The following FAM193A variants were observed in gnomAD, a reference collection of about 807,000 sequenced individuals.
FAM193A encodes the protein protein FAM193A.
FAM193A carries 22 observed loss-of-function variants against 126.5 expected under a neutral mutation model. The observed-to-expected ratio is 0.17, with a 90% CI of 0.12 to 0.25. The LOEUF is 0.25. Ranked by LOEUF, FAM193A falls within the 10% of genes least tolerant of loss-of-function variation. The probability of loss-of-function intolerance (pLI) is 1.00; values close to 1 mark genes in which losing one functional copy is unlikely to be tolerated. For missense variants in FAM193A, 1,675 were observed against 1,672.8 expected, an observed-to-expected ratio of 1.00 and a Z score of -0.02; for synonymous variants, 761 against 646.8, an observed-to-expected ratio of 1.18 and a Z score of -2.68.
intron 5 of FAM193A, among the ~76,000 whole-genome samples, chr4:2,633,998 T>C (rs1167758235): frequency 6.6e-6 from 1 of 152,180 alleles, no homozygotes; most frequent in Admixed American, 6.5e-5. Flanking sequence ...GAGAAATACA[T>C]GGGCTTGAAA....
intron 2 of FAM193A, among the ~76,000 whole-genome samples, chr4:2,611,501 C>T (rs891606336): frequency 2.5e-4 from 38 of 152,036 alleles, no homozygotes; most frequent in Non-Finnish European, 5.3e-4. Flanking sequence ...CTTGAACTCC[C>T]GACCTCAGGT....
rs1714820369 is a variant in FAM193A, at chr4:2,679,371, C to CTTTCTT, written c.2331+7003_2331+7008dup. 2.6e-5 allele frequency among the ~76,000 whole-genome samples: 3 copies of CTTTCTT among 115,652 alleles called. 1 individual carries two copies. Among genetic ancestry groups the CTTTCTT allele is most frequent in the African/African-American group, 1.0e-4 (3 of 28,918 alleles). The allele number at this position is 115,652 out of a possible 152,430, so 75.9% of individuals were successfully genotyped here. ...ACAAGCGATACTCGTTTGTAGTTTT[C>CTTTCTT]TTTCTTTTTTTTTTTTTTTTTTTTT... is the stretch of plus-strand genomic sequence containing the variant. On this transcript the variant is annotated intron_variant, in intron 13 of 20. Coordinates refer to ENST00000637812, the MANE Select transcript of FAM193A (RefSeq NM_001366318.2).
intron 4 of FAM193A, among the ~76,000 whole-genome samples, chr4:2,628,849 CTCTCTTTT>C (rs999535085): frequency 6.5e-5 from 8 of 122,852 alleles, no homozygotes; most frequent in Non-Finnish European, 1.5e-4. Context: ...ATTGCTGTCT[CTCTCTTTT>C]TTTTTTTTTT....
chr4:2,570,496 T>C (rs1179003783), intron 1 of FAM193A, among the ~76,000 whole-genome samples: 1 of 152,104 alleles, frequency 6.6e-6, no homozygotes, highest in African/African-American at 2.4e-5. Context: ...TATCTTTAAC[T>C]TTTCCCAAGG....
At chr4:2,595,112 G>T (rs924334608) in intron 1 of FAM193A, among the ~76,000 whole-genome samples, 1 of 151,776 alleles carries the variant, frequency 6.6e-6, no homozygotes, top group East Asian at 1.9e-4. Flanking sequence ...GCAGTGGCAC[G>T]ATCACAGCTC....
chr4:2,608,884 A>G (rs935985045), intron 2 of FAM193A, among the ~76,000 whole-genome samples: 4 of 150,276 alleles, frequency 2.7e-5, no homozygotes, highest in Non-Finnish European at 5.9e-5. Context: ...TGTTAATTTG[A>G]ATTTCACCTT....
At chr4:2,591,003 G>A (rs1388953359) in intron 1 of FAM193A, among the ~76,000 whole-genome samples, 1 of 151,522 alleles carries the variant, frequency 6.6e-6, no homozygotes, top group Non-Finnish European at 1.5e-5. Context: ...CCCCAGCCTG[G>A]GTCACAGAGC....
intron 19 of FAM193A, among the ~76,000 whole-genome samples, chr4:2,710,631 T>C (rs1480425762): frequency 6.6e-6 from 1 of 151,696 alleles, no homozygotes; most frequent in East Asian, 2.0e-4. Flanking sequence ...CCTTCTCAAG[T>C]AGGTGGTACC....
chr4:2,691,985 A>G (rs973368638), intron 15 of FAM193A, among the ~76,000 whole-genome samples: 11 of 152,132 alleles, frequency 7.2e-5, no homozygotes, highest in African/African-American at 2.7e-4. Context: ...AGTATGCAGC[A>G]TTCATGGAGG....
At chr4:2,553,394 T>A (rs1298471575) in intron 1 of FAM193A, among the ~76,000 whole-genome samples, 1 of 150,308 alleles carries the variant, frequency 6.7e-6, no homozygotes, top group East Asian at 1.9e-4. Flanking sequence ...TTTTTTTTTT[T>A]TTTTTGAGGC....
chr4:2,662,452 A>G (rs979406698), intron 10 of FAM193A, among the ~76,000 whole-genome samples: 4 of 152,230 alleles, frequency 2.6e-5, no homozygotes, highest in African/African-American at 9.6e-5. Context: ...TAAGGTTGCC[A>G]TCGGTACCCC....
At chr4:2,660,099 C>T in intron 10 of FAM193A, 45 bp downstream of exon 10, 1 of 1,595,674 alleles carries the variant, frequency 6.3e-7, no homozygotes. Flanking sequence ...TTAAGTCGCC[C>T]CAGTAATGAG....
intron 2 of FAM193A, among the ~76,000 whole-genome samples, chr4:2,623,373 T>C (rs1344398104): frequency 6.6e-6 from 1 of 152,200 alleles, no homozygotes; most frequent in Non-Finnish European, 1.5e-5. Context: ...GGTTTCACCA[T>C]GTTGGCCAGA....
In FAM193A at chr4:2,732,110, CCCG is replaced by C; in HGVS notation, c.*245_*247del. 1 of 533,828 alleles carries C rather than the reference CCCG, an allele frequency of 1.9e-6. No homozygotes were observed. Among genetic ancestry groups the C allele is most frequent in the Non-Finnish European group, 3.4e-6 (1 of 294,960 alleles). 33.1% of individuals were successfully genotyped at this position (533,828 alleles called of 1,614,324 possible). A position where few individuals can be genotyped will look rare whatever the true frequency, so the allele number is the denominator to read the frequency against. On this transcript the variant is annotated 3_prime_UTR_variant, in exon 21 of 21. Transcript: ENST00000637812. The stretch of plus-strand genomic sequence containing the variant: ...GTGCTGTCGGATTGGAACAGTAGTT[CCCG>C]CCAAGTCCTCCCACCACCGCGGCCT...
chr4:2,700,684 G>T, intron 19 of FAM193A, 140 bp downstream of exon 19: 1 of 1,036,654 alleles, frequency 9.6e-7, no homozygotes, highest in South Asian at 1.7e-5. Flanking sequence ...AGAGGGGCCA[G>T]GCATGGTGGC....
intron 1 of FAM193A, among the ~76,000 whole-genome samples, chr4:2,560,181 G>A (rs552745507): frequency 6.6e-6 from 1 of 152,190 alleles, no homozygotes; most frequent in East Asian, 1.9e-4. Context: ...GACCTCAGGT[G>A]ATCCACCCGC....
At chr4:2,686,811 G>A (rs915332458) in intron 13 of FAM193A, among the ~76,000 whole-genome samples, 6 of 152,160 alleles carry the variant, frequency 3.9e-5, no homozygotes, top group South Asian at 2.1e-4. Context: ...CATCTGTCAC[G>A]GGCTTCTGCC....
At chr4:2,544,331 G>A (rs1737420058) in intron 1 of FAM193A, among the ~76,000 whole-genome samples, 1 of 152,140 alleles carries the variant, frequency 6.6e-6, no homozygotes, top group Admixed American at 6.6e-5. Flanking sequence ...AGGCCGAGGT[G>A]GGAGAATCAC....
chr4:2,624,125 T>G (rs529787503), intron 2 of FAM193A, among the ~76,000 whole-genome samples: 78 of 152,046 alleles, frequency 5.1e-4, no homozygotes, highest in African/African-American at 1.7e-3. Flanking sequence ...CTAGTTGTTG[T>G]TGGTGAAATC....
Sources: allele counts gnomAD v4.1 joint callset (sites outside exome capture counted in the v4.1 genomes callset), GRCh38; gene constraint gnomAD v4.1.1; transcripts MANE v1.5; gene names NCBI Gene and HGNC (gene_info 2026-07-23, HGNC 2026-07-21).